KIAA1217: variants seen among roughly 807,000 people sequenced by gnomAD.
The protein encoded by KIAA1217 is sickle tail protein homolog.
KIAA1217 carries 88 observed loss-of-function variants against 163.9 expected under a neutral mutation model. The ratio of observed to expected loss-of-function variants is 0.54; its 90% CI spans 0.45 to 0.64. The LOEUF is 0.64. KIAA1217 is among the 30% of genes least tolerant of loss of function. The pLI, the probability that KIAA1217 is intolerant of heterozygous loss-of-function variation, is 0.00. For missense variants in KIAA1217, 2,372 were observed against 2,475.0 expected, an observed-to-expected ratio of 0.96 and a Z score of 0.88; for synonymous variants, 903 against 923.1, an observed-to-expected ratio of 0.98 and a Z score of 0.39.
At chr10:24,119,712 C>T (rs2063202416) in intron 2 of KIAA1217, among the ~76,000 whole-genome samples, 1 of 152,194 alleles carries the variant, frequency 6.6e-6, no homozygotes, top group Non-Finnish European at 1.5e-5. Context: ...CATCCCTCTA[C>T]CCTCTCGTCC....
At position 23,816,124 on chromosome 10, in the gene KIAA1217, C is replaced by T. The variant is rs147704558; in HGVS notation, c.-321+120890C>T. 4.3e-4 allele frequency among the ~76,000 whole-genome samples: 66 copies of T among 152,296 alleles called. 1 individual carries two copies. The Middle Eastern group carries it at 0.014, about 31-fold the overall frequency. The stretch of plus-strand genomic sequence containing the variant: ...AAGAATGTTATTTCCTGGTAACCAG[C>T]ATTTGCGTTACCTTGAGCTGTAAAG... On this transcript the variant is annotated intron_variant, in intron 1 of 18. Transcript: ENST00000376462.
rs375191788 is a variant in KIAA1217 at position 24,282,237 on chromosome 10, T to G, written c.354+62328T>G. On this transcript the variant is annotated intron_variant, in intron 2 of 20. Transcript: ENST00000376454. ...TTTTCAAAAAAGAATACTAATAATC[T>G]ATATGATTTATTGCTATAAATATTA... Among the ~76,000 whole-genome samples, 182 of 152,028 alleles carry G rather than the reference T, an allele frequency of 1.2e-3. 2 individuals carry two copies. Among genetic ancestry groups the G allele is most frequent in the African/African-American group, 3.9e-3 (161 of 41,444 alleles).
At chr10:24,373,696 C>G (rs1291005658) in intron 2 of KIAA1217, among the ~76,000 whole-genome samples, 1 of 152,148 alleles carries the variant, frequency 6.6e-6, no homozygotes, top group Non-Finnish European at 1.5e-5. Context: ...CCCTTTTCTG[C>G]ACAGAGGTGT....
chr10:24,127,893 G>T (rs1301107671), intron 2 of KIAA1217, among the ~76,000 whole-genome samples: 1 of 152,088 alleles, frequency 6.6e-6, no homozygotes, highest in Non-Finnish European at 1.5e-5. Flanking sequence ...CTCTTTGGAA[G>T]CAACATGTTA....
At chr10:24,545,677 A>T (rs1042259947) in intron 20 of KIAA1217, 150 bp from the exon 21 acceptor site, 27 of 1,451,684 alleles carry the variant, frequency 1.9e-5, no homozygotes, top group Non-Finnish European at 2.2e-5. Flanking sequence ...GGTCCAGTAG[A>T]GCACAACAAG....
intron 2 of KIAA1217, among the ~76,000 whole-genome samples, chr10:24,098,761 T>TGTGTGTGTGTGTGTGTGTG (rs1554865639): frequency 1.8e-5 from 2 of 108,462 alleles, no homozygotes; most frequent in Non-Finnish European, 1.8e-5. Context: ...GTGTGTGTGT[T>TGTGTGTGTGTGTGTGTGTG]AGAGAGAGAC....
chr10:24,454,863 GAA>G (rs3045779), intron 5 of KIAA1217, among the ~76,000 whole-genome samples: 12,421 of 143,918 alleles, frequency 0.086, 625 homozygotes, highest in East Asian at 0.18. Flanking sequence ...TAACTGCAAG[GAA>G]AAAAAAAAAA....
At chr10:24,501,675 C>A (rs779711888) in intron 9 of KIAA1217, 130 bp downstream of exon 9, 1 of 617,242 alleles carries the variant, frequency 1.6e-6, no homozygotes. Flanking sequence ...CTCTCACACA[C>A]ACAATCCAAG....
chr10:23,797,859 C>T (rs1836281891), intron 1 of KIAA1217, among the ~76,000 whole-genome samples: 1 of 152,116 alleles, frequency 6.6e-6, no homozygotes. Context: ...AGTTATAGTA[C>T]AGGGTGTCAT....
At chr10:24,220,443 C>CTTATT (rs1564848812) in intron 2 of KIAA1217, among the ~76,000 whole-genome samples, 2 of 122,108 alleles carry the variant, frequency 1.6e-5, no homozygotes, top group African/African-American at 7.9e-5. Flanking sequence ...TGTTTCTGCT[C>CTTATT]TTCTTTTTTT....
intron 2 of KIAA1217, among the ~76,000 whole-genome samples, chr10:24,039,928 C>T (rs973430855): frequency 1.3e-5 from 2 of 152,084 alleles, no homozygotes; most frequent in African/African-American, 4.8e-5. Flanking sequence ...AGCATAATCC[C>T]CTTGATTTTT....
At chr10:24,067,714 T>A (rs2061014914) in intron 2 of KIAA1217, among the ~76,000 whole-genome samples, 1 of 152,230 alleles carries the variant, frequency 6.6e-6, no homozygotes, top group African/African-American at 2.4e-5. Flanking sequence ...TTGCTGTCTT[T>A]TGTTTGTCTG....
At chr10:24,525,904 C>T (rs1386077560) in intron 13 of KIAA1217, among the ~76,000 whole-genome samples, 1 of 152,162 alleles carries the variant, frequency 6.6e-6, no homozygotes, top group East Asian at 1.9e-4. Context: ...GTGGGTGGAT[C>T]ACCCAGGCCC....
intron 2 of KIAA1217, among the ~76,000 whole-genome samples, chr10:24,153,172 T>C (rs2064702884): frequency 6.6e-6 from 1 of 152,182 alleles, no homozygotes; most frequent in South Asian, 2.1e-4. Context: ...CCTGGGTTGA[T>C]TGGCTACAGC....
rs201119628 is a variant in KIAA1217 at position 23,851,821 on chromosome 10, G to C, written c.-320-155404G>C. On this transcript the variant is annotated intron_variant, in intron 1 of 18. Coordinates refer to the KIAA1217 transcript ENST00000376462. Reference sequence around the variant, plus strand: ...CTGCATAAATGTCTTCTTTTGAGAAGTGTCTGTTCATGTCCTTCGCCCACT... The same window carrying C: ...CTGCATAAATGTCTTCTTTTGAGAACTGTCTGTTCATGTCCTTCGCCCACT... 8.2e-3 allele frequency among the ~76,000 whole-genome samples: 1,241 copies of C among 152,110 alleles called. 31 individuals carry two copies. The highest frequency in any genetic ancestry group is 0.045 in the Admixed American group (692 of 15,272).
intron 3 of KIAA1217, among the ~76,000 whole-genome samples, chr10:24,393,347 G>T (rs2055241899): frequency 6.6e-6 from 1 of 152,202 alleles, no homozygotes; most frequent in African/African-American, 2.4e-5. Context: ...TCACAAGTTA[G>T]CTCTGTGGTA....
chr10:24,324,155 C>G (rs1477503548), intron 2 of KIAA1217, among the ~76,000 whole-genome samples: 1 of 152,004 alleles, frequency 6.6e-6, no homozygotes, highest in Non-Finnish European at 1.5e-5. Flanking sequence ...GTAGTCCCAG[C>G]TACCACGGAG....
intron 1 of KIAA1217, among the ~76,000 whole-genome samples, chr10:23,978,925 G>A (rs1211236909): frequency 6.6e-6 from 1 of 152,150 alleles, no homozygotes; most frequent in Non-Finnish European, 1.5e-5. Context: ...GTTATGGAAA[G>A]AAGAGTAGTC....
At chr10:24,432,706 T>C (rs1242938610) in intron 3 of KIAA1217, among the ~76,000 whole-genome samples, 1 of 151,920 alleles carries the variant, frequency 6.6e-6, no homozygotes, top group Admixed American at 6.5e-5. Context: ...CCTCTTGCCA[T>C]GGCCTCCCAA....
Sources: gnomAD v4.1 joint callset for allele counts (sites outside exome capture counted in the v4.1 genomes callset) on GRCh38, gnomAD v4.1.1 for gene constraint, MANE v1.5 for transcripts, NCBI Gene and HGNC (gene_info 2026-07-23, HGNC 2026-07-21) for gene names.